The following RBFOX1 variants were observed in gnomAD, a reference collection of about 807,000 sequenced individuals.
RBFOX1 encodes RNA binding fox-1 homolog 1, also known as RNA binding protein fox-1 homolog 1.
A neutral mutation model predicts 57.7 loss-of-function variants in RBFOX1; 8 were observed. The ratio of observed to expected loss-of-function variants is 0.14; its 90% CI spans 0.08 to 0.25. The LOEUF is 0.25. Among genes scored for constraint, RBFOX1 ranks in the 10% least tolerant of loss-of-function variants. The probability of loss-of-function intolerance (pLI) is 1.00; values close to 1 mark genes in which losing one functional copy is unlikely to be tolerated. For synonymous variants in RBFOX1, 326 were observed against 222.4 expected, an observed-to-expected ratio of 1.47 and a Z score of -4.15; for missense variants, 611 against 548.5, an observed-to-expected ratio of 1.11 and a Z score of -1.14.
intron 4 of RBFOX1, among the ~76,000 whole-genome samples, chr16:7,245,962 G>C (rs942047679): frequency 5.9e-5 from 9 of 151,944 alleles, no homozygotes; most frequent in Non-Finnish European, 8.8e-5. Flanking sequence ...GCCCATCCCT[G>C]AAAAAAAGTA....
intron 4 of RBFOX1, among the ~76,000 whole-genome samples, chr16:7,350,987 T>C (rs191408596): frequency 7.5e-4 from 114 of 152,358 alleles, no homozygotes; most frequent in Non-Finnish European, 1.4e-3. Flanking sequence ...AGTCTGGCTC[T>C]ATCAAAGCTG....
chr16:7,604,330 G>T (rs1247815573), intron 9 of RBFOX1, among the ~76,000 whole-genome samples: 4 of 152,116 alleles, frequency 2.6e-5, no homozygotes, highest in African/African-American at 4.8e-5. Context: ...ATGGGAAGAA[G>T]GTTGACACCT....
chr16:6,557,006 CATAT>C (rs1236015537), intron 2 of RBFOX1, among the ~76,000 whole-genome samples: 2 of 136,374 alleles, frequency 1.5e-5, no homozygotes, highest in South Asian at 4.4e-4. Flanking sequence ...CATATATATA[CATAT>C]ATATACATAT....
At chr16:5,522,251 T>G (rs559309169) in intron 2 of RBFOX1, among the ~76,000 whole-genome samples, 1 of 152,238 alleles carries the variant, frequency 6.6e-6, no homozygotes, top group African/African-American at 2.4e-5. Context: ...GACAAGTCCA[T>G]GTACCTCTTT....
chr16:7,294,841 G>A (rs370823278), intron 4 of RBFOX1, among the ~76,000 whole-genome samples: 6 of 152,238 alleles, frequency 3.9e-5, no homozygotes, highest in African/African-American at 1.4e-4. Context: ...ACTGCTGTTT[G>A]TATTGCATGG....
intron 4 of RBFOX1, among the ~76,000 whole-genome samples, chr16:7,399,456 A>G (rs1174983169): frequency 6.6e-6 from 1 of 152,182 alleles, no homozygotes; most frequent in East Asian, 1.9e-4. Flanking sequence ...TCAAATAAAT[A>G]AATAAATGAA....
intron 3 of RBFOX1, among the ~76,000 whole-genome samples, chr16:5,840,148 C>T (rs1193467486): frequency 2.0e-5 from 3 of 152,130 alleles, no homozygotes; most frequent in Admixed American, 6.5e-5. Flanking sequence ...CCTTATTTCC[C>T]CCATTGTGTT....
intron 3 of RBFOX1, among the ~76,000 whole-genome samples, chr16:7,032,318 G>C (rs1374896932): frequency 1.3e-5 from 2 of 151,986 alleles, no homozygotes; most frequent in Non-Finnish European, 2.9e-5. Flanking sequence ...GGTGGGAGGA[G>C]CCTGTAGTCC....
chr16:6,971,885 C>T (rs556312348), intron 3 of RBFOX1, among the ~76,000 whole-genome samples: 1 of 152,060 alleles, frequency 6.6e-6, no homozygotes, highest in East Asian at 1.9e-4. Flanking sequence ...CGCTGGTACC[C>T]TTTACATCAG....
chr16:6,657,216 C>CTCCT (rs757605994), intron 3 of RBFOX1, among the ~76,000 whole-genome samples: 50 of 151,702 alleles, frequency 3.3e-4, no homozygotes, highest in Non-Finnish European at 5.0e-4. Flanking sequence ...TCCTTCCTCC[C>CTCCT]TCCTTCCTTC....
At chr16:6,714,599 A>T (rs1304319898) in intron 3 of RBFOX1, among the ~76,000 whole-genome samples, 1 of 152,094 alleles carries the variant, frequency 6.6e-6, no homozygotes, top group East Asian at 1.9e-4. Flanking sequence ...AGGAAATGTG[A>T]TTTCAGCATC....
At position 5,285,194 on chromosome 16, in the gene RBFOX1, C is replaced by T. The variant is rs2063362833; in HGVS notation, c.219+45089C>T. The stretch of plus-strand genomic sequence containing the variant: ...GACTGGATTATTTTAAAAGACTAGT[C>T]TTCAACTTCAGAAATTCTTTGTTTT... On this transcript the variant is annotated intron_variant, in intron 1 of 2. Transcript: ENST00000585867. Among the ~76,000 whole-genome samples the T allele has an allele frequency of 3.3e-5, 5 of 152,198 alleles. No individual in the cohort carries two copies. The South Asian group carries it at 1.0e-3, about 32-fold the overall frequency.
At chr16:6,834,412 C>T (rs542307551) in intron 3 of RBFOX1, among the ~76,000 whole-genome samples, 6 of 152,140 alleles carry the variant, frequency 3.9e-5, no homozygotes, top group South Asian at 2.1e-4. Context: ...ATCTCTTGGG[C>T]TATTGGGAGA....
At position 7,294,774 on chromosome 16, in the gene RBFOX1, TATGATGATG is replaced by T. The variant is rs35974179; in HGVS notation, c.28-223353_28-223345del. Among the ~76,000 whole-genome samples, 676 of 151,384 alleles carry T rather than the reference TATGATGATG, an allele frequency of 4.5e-3. 6 individuals carry two copies. Among genetic ancestry groups the T allele is most frequent in the African/African-American group, 0.014 (589 of 41,288 alleles). On this transcript the variant is annotated intron_variant, in intron 4 of 15. Transcript: ENST00000550418. ...TTTAGATATTGTAAAAAATGATGAA[TATGATGATG>T]ATGATGATGATGATGATGACAGTGG...
rs112095583 is a variant in RBFOX1, at chr16:6,647,551, G to A, written c.-63-7052G>A. On this transcript the variant is annotated intron_variant, in intron 2 of 15. Coordinates refer to ENST00000550418, the MANE Select transcript of RBFOX1 (RefSeq NM_018723.4). ...GCGTGAGCCACCACACCCAGCCAAG[G>A]GCAGTCATTCTTAGGACCTCATTTA... Among the ~76,000 whole-genome samples, 1,245 of 152,096 alleles carry A rather than the reference G, an allele frequency of 8.2e-3. 23 individuals are homozygous for A. The highest frequency in any genetic ancestry group is 0.028 in the African/African-American group (1,155 of 41,510).
chr16:7,469,436 T>G, intron 4 of RBFOX1, among the ~76,000 whole-genome samples: 1 of 152,068 alleles, frequency 6.6e-6, no homozygotes, highest in Admixed American at 6.6e-5. Context: ...GCCTATGAGG[T>G]TTTGTCACTT....
intron 4 of RBFOX1, among the ~76,000 whole-genome samples, chr16:5,967,165 A>G (rs911367264): frequency 2.0e-5 from 3 of 152,142 alleles, no homozygotes; most frequent in African/African-American, 7.2e-5. Flanking sequence ...GCAAAGCCAC[A>G]AATATTTACT....
chr16:7,007,276 C>G (rs997211014), intron 3 of RBFOX1, among the ~76,000 whole-genome samples: 5 of 152,178 alleles, frequency 3.3e-5, no homozygotes, highest in African/African-American at 1.2e-4. Context: ...GAAGTGTGGA[C>G]TCTTCCAACT....
At chr16:6,484,758 G>T (rs542694438) in intron 2 of RBFOX1, among the ~76,000 whole-genome samples, 4 of 152,234 alleles carry the variant, frequency 2.6e-5, no homozygotes, top group Admixed American at 6.5e-5. Flanking sequence ...CAAAAGTTTT[G>T]TTGGCAGTGT....
Sources: allele counts gnomAD v4.1 joint callset (sites outside exome capture counted in the v4.1 genomes callset), GRCh38; gene constraint gnomAD v4.1.1; transcripts MANE v1.5; gene names NCBI Gene and HGNC (gene_info 2026-07-23, HGNC 2026-07-21).